The following RANBP17 variants were observed in gnomAD, a reference collection of about 807,000 sequenced individuals.
RANBP17 encodes the protein RAN binding protein 17.
In RANBP17, 158 loss-of-function variants were observed where a neutral mutation model predicts 141.2. The observed-to-expected ratio is 1.12, with a 90% CI of 0.98 to 1.28. RANBP17 has a LOEUF of 1.28. Among genes scored for constraint, RANBP17 ranks in the 50% most tolerant of loss-of-function variants. The probability of loss-of-function intolerance (pLI) is 0.00; values close to 1 mark genes in which losing one functional copy is unlikely to be tolerated. For missense variants in RANBP17, 1,438 were observed against 1,290.7 expected, an observed-to-expected ratio of 1.11 and a Z score of -1.75; for synonymous variants, 430 against 450.0, an observed-to-expected ratio of 0.96 and a Z score of 0.56.
rs200328963 is a variant in RANBP17 at position 170,878,158 on chromosome 5, G to C, written c.80G>C (p.Arg27Thr). ...HLYIGTDLTQ[R>T]IEAEKALLEL... ...TACATAGGGACTGATCTTACACAAA[G>C]AATAGAGGCTGAGAAAGCACTCTTG... Residue 27 changes from arginine to threonine, a missense_variant, in exon 2 of 28, where the codon AGA (arginine) becomes ACA (threonine). Coordinates refer to ENST00000523189, the MANE Select transcript of RANBP17 (RefSeq NM_022897.5). 161 of 1,612,752 alleles carry C rather than the reference G, an allele frequency of 1.0e-4. No individual in the cohort carries two copies. The highest frequency in any genetic ancestry group is 1.3e-4 in the Non-Finnish European group (156 of 1,179,356).
At chr5:170,914,056 G>A in intron 7 of RANBP17, 111 bp from the exon 8 acceptor site, 1 of 703,450 alleles carries the variant, frequency 1.4e-6, no homozygotes, top group Non-Finnish European at 2.5e-6. Flanking sequence ...TAACTGGAAG[G>A]AATGGCCACA....
chr5:170,996,270 A>G (rs1216164487), intron 14 of RANBP17, among the ~76,000 whole-genome samples: 2 of 152,180 alleles, frequency 1.3e-5, no homozygotes, highest in Admixed American at 6.6e-5. Flanking sequence ...AAGCAAGGCA[A>G]TGAATGAAAA....
intron 14 of RANBP17, among the ~76,000 whole-genome samples, chr5:170,986,737 AT>A (rs1778167633): frequency 6.6e-6 from 1 of 151,916 alleles, no homozygotes; most frequent in South Asian, 2.1e-4. Flanking sequence ...GTAATTACTT[AT>A]TATTCAACCT....
chr5:171,241,089 G>A lies in RANBP17; in HGVS notation c.2584G>A (p.Val862Ile), dbSNP rs1313096959. 3.7e-6 allele frequency: 6 copies of A among 1,613,836 alleles called. No individual in the cohort carries two copies. Among genetic ancestry groups the A allele is most frequent in the Non-Finnish European group, 5.1e-6 (6 of 1,179,892 alleles). The change falls in exon 23 of 28, where the codon GTA becomes ATA. Residue 862 changes from valine (V) to isoleucine (I), a missense_variant. Transcript: ENST00000523189. ...KLYGDNHFDN[V>I]LQAFVKMLLS... ...GTATGGGGACAACCATTTTGACAAT[G>A]TACTCCAGGCTTTTGTCAAAATGCT...
At chr5:171,158,532 A>G (rs991496184) in intron 14 of RANBP17, 3 of 178,950 alleles carry the variant, frequency 1.7e-5, no homozygotes, top group African/African-American at 4.7e-5. Flanking sequence ...GAAAAATTAT[A>G]ACATAATAGA....
intron 14 of RANBP17, among the ~76,000 whole-genome samples, chr5:171,029,799 G>T (rs1365981318): frequency 6.6e-6 from 1 of 151,816 alleles, no homozygotes; most frequent in African/African-American, 2.4e-5. Context: ...CATGTATTCT[G>T]ACATTTATAA....
intron 27 of RANBP17, among the ~76,000 whole-genome samples, 158 bp from the exon 28 acceptor site, chr5:171,298,604 C>T (rs1302570583): frequency 1.3e-5 from 2 of 152,160 alleles, no homozygotes; most frequent in South Asian, 2.1e-4. Context: ...ACAGCAATGG[C>T]GGTGAAAGTG....
At chr5:171,221,679 A>T in intron 21 of RANBP17, 79 bp from the exon 22 acceptor site, 1 of 790,514 alleles carries the variant, frequency 1.3e-6, no homozygotes, top group Non-Finnish European at 2.2e-6. Context: ...CTTCTTATAA[A>T]TGAAAATCCT....
intron 14 of RANBP17, among the ~76,000 whole-genome samples, chr5:171,053,286 G>A (rs997170050): frequency 5.3e-5 from 8 of 152,006 alleles, no homozygotes; most frequent in African/African-American, 1.9e-4. Flanking sequence ...GAGGTTCAGT[G>A]TACGAATGAT....
At chr5:171,093,726 C>G (rs2127732523) in intron 14 of RANBP17, among the ~76,000 whole-genome samples, 1 of 152,268 alleles carries the variant, frequency 6.6e-6, no homozygotes, top group East Asian at 1.9e-4. Context: ...GTATCACACA[C>G]TTTTTCACTT....
intron 14 of RANBP17, among the ~76,000 whole-genome samples, chr5:171,004,993 G>C (rs749553599): frequency 2.6e-5 from 4 of 152,042 alleles, no homozygotes; most frequent in Non-Finnish European, 5.9e-5. Context: ...GTTGCTGTCT[G>C]GCTACCCCCT....
chr5:170,934,736 C>A (rs968565924), intron 12 of RANBP17, among the ~76,000 whole-genome samples: 1 of 152,184 alleles, frequency 6.6e-6, no homozygotes, highest in Non-Finnish European at 1.5e-5. Context: ...CTGCCCTTAA[C>A]ATTTTTTCCT....
chr5:171,005,958 A>G (rs1381474753), intron 14 of RANBP17, among the ~76,000 whole-genome samples: 1 of 152,258 alleles, frequency 6.6e-6, no homozygotes, highest in Non-Finnish European at 1.5e-5. Context: ...CACTTGTCAG[A>G]AGAAGACATT....
At chr5:171,188,927 A>G (rs1195147283) in intron 18 of RANBP17, among the ~76,000 whole-genome samples, 2 of 152,234 alleles carry the variant, frequency 1.3e-5, no homozygotes, top group Admixed American at 1.3e-4. Context: ...GCTTAATGTA[A>G]ACTATGAGGT....
intron 14 of RANBP17, among the ~76,000 whole-genome samples, chr5:171,163,591 T>C (rs1208007441): frequency 6.6e-6 from 1 of 152,228 alleles, no homozygotes; most frequent in Non-Finnish European, 1.5e-5. Flanking sequence ...GATTTCATAC[T>C]GTGTTCCTAA....
intron 14 of RANBP17, among the ~76,000 whole-genome samples, chr5:170,969,615 C>T (rs2127532023): frequency 6.6e-6 from 1 of 151,354 alleles, no homozygotes; most frequent in African/African-American, 2.4e-5. Context: ...GGTCTTAAAT[C>T]AAAACAGTAT....
intron 14 of RANBP17, among the ~76,000 whole-genome samples, chr5:171,135,797 A>G (rs1757235653): frequency 6.6e-6 from 1 of 152,208 alleles, no homozygotes; most frequent in African/African-American, 2.4e-5. Flanking sequence ...GTGGATTGGG[A>G]AAGAAGTCCT....
intron 14 of RANBP17, among the ~76,000 whole-genome samples, chr5:171,069,714 T>C (rs1427509517): frequency 6.6e-6 from 1 of 152,176 alleles, no homozygotes; most frequent in Non-Finnish European, 1.5e-5. Flanking sequence ...TCTGATCACA[T>C]TTAAGGTAGG....
rs760147461 is a variant in RANBP17 at position 171,293,955 on chromosome 5, C to T, written c.3016C>T (p.Leu1006=). The T allele has an allele frequency of 4.3e-6, 7 of 1,613,764 alleles. No individual in the cohort carries two copies. The highest frequency in any genetic ancestry group is 5.9e-6 in the Non-Finnish European group (7 of 1,179,722). The change falls in exon 26 of 28, where the codon CTG becomes TTG. Residue 1006 remains leucine (L), a synonymous_variant. Transcript: ENST00000523189. ...CCAGTGGTCAGTATCCAGGCCTCTC[C>T]TGGGGCTCATCCTGCTCAATGAGAA... ...RNQWSVSRPL[L]GLILLNEKYF... is the part of the protein sequence containing the mutation.
Sources: gnomAD v4.1 joint callset for allele counts (sites outside exome capture counted in the v4.1 genomes callset) on GRCh38, gnomAD v4.1.1 for gene constraint, MANE v1.5 for transcripts, NCBI Gene and HGNC (gene_info 2026-07-23, HGNC 2026-07-21) for gene names.